The following ROR1 variants were observed in gnomAD, a reference collection of about 807,000 sequenced individuals.
The protein encoded by ROR1 is inactive tyrosine-protein kinase transmembrane receptor ROR1.
A neutral mutation model predicts 78.8 loss-of-function variants in ROR1; 19 were observed. That is an observed-to-expected ratio of 0.24 (90% CI 0.17 to 0.35). ROR1 has a LOEUF of 0.35. Ranked by LOEUF, ROR1 falls within the 10% of genes least tolerant of loss-of-function variation. ROR1 has a pLI of 1.00. For missense variants in ROR1, 917 were observed against 1,177.8 expected (o/e 0.78, Z 3.24); for synonymous variants, 386 against 433.6 (o/e 0.89, Z 1.36).
chr1:64,114,032 A>G (rs556469037), intron 4 of ROR1, among the ~76,000 whole-genome samples: 53 of 152,220 alleles, frequency 3.5e-4, no homozygotes, highest in African/African-American at 1.2e-3. Context: ...AACTCAGTCC[A>G]TTTTCTCCCT....
chr1:63,894,953 A>G (rs1329530620), intron 1 of ROR1, among the ~76,000 whole-genome samples: 2 of 152,174 alleles, frequency 1.3e-5, no homozygotes, highest in Admixed American at 6.6e-5. Flanking sequence ...CCTACAGCAC[A>G]TGTTTTCTCT....
intron 4 of ROR1, among the ~76,000 whole-genome samples, chr1:64,075,515 C>T (rs1324989599): frequency 6.6e-6 from 1 of 152,170 alleles, no homozygotes; most frequent in Non-Finnish European, 1.5e-5. Flanking sequence ...GCATCTGACA[C>T]ATAATACACC....
Position 63,914,914 on chromosome 1 carries a change from G to A in ROR1, c.92-94391G>A, listed in dbSNP as rs1029147323. Among the ~76,000 whole-genome samples the A allele has an allele frequency of 2.0e-5, 3 of 152,194 alleles. No homozygotes were observed. The South Asian group carries it at 6.2e-4, about 32-fold the overall frequency. ...CTCACAGCTTGGGAGAGCAGATGGG[G>A]TCTGGGAGAGCCTCCTGAGTTCACT... On this transcript the variant is annotated intron_variant, in intron 1 of 8. Transcript: ENST00000371079.
At chr1:63,898,869 C>T (rs1398031414) in intron 1 of ROR1, among the ~76,000 whole-genome samples, 2 of 152,098 alleles carry the variant, frequency 1.3e-5, no homozygotes, top group African/African-American at 4.8e-5. Context: ...GTCCTTCTGG[C>T]CTAATTTCTG....
At chr1:64,157,420 T>G (rs1419545731) in intron 7 of ROR1, among the ~76,000 whole-genome samples, 1 of 152,152 alleles carries the variant, frequency 6.6e-6, no homozygotes. Flanking sequence ...ATTACAGACA[T>G]GACCCACTGC....
At chr1:64,019,382 T>C (rs2100554712) in intron 2 of ROR1, among the ~76,000 whole-genome samples, 1 of 152,320 alleles carries the variant, frequency 6.6e-6, no homozygotes, top group Admixed American at 6.5e-5. Context: ...ATCTGGATTT[T>C]TTCCCCCATC....
At chr1:64,173,869 G>T (rs1011216175) in intron 8 of ROR1, among the ~76,000 whole-genome samples, 1 of 152,092 alleles carries the variant, frequency 6.6e-6, no homozygotes, top group Non-Finnish European at 1.5e-5. Flanking sequence ...TTCCACACGA[G>T]TTCTTGTTGC....
At chr1:64,133,906 C>T (rs959472329) in intron 4 of ROR1, among the ~76,000 whole-genome samples, 1 of 152,132 alleles carries the variant, frequency 6.6e-6, no homozygotes, top group Non-Finnish European at 1.5e-5. Context: ...CATTTGTTCC[C>T]CTCCAGCCAA....
chr1:64,000,478 G>A (rs1043231480), intron 1 of ROR1, among the ~76,000 whole-genome samples: 3 of 152,170 alleles, frequency 2.0e-5, no homozygotes, highest in Admixed American at 2.0e-4. Flanking sequence ...CCACTCATTT[G>A]AACTTCTCCT....
rs1294992857 is a variant in ROR1, at chr1:64,178,606, C to G, written c.2565C>G (p.Ser855=). 1.2e-6 allele frequency: 2 copies of G among 1,614,138 alleles called. No individual in the cohort carries two copies. The highest frequency in any genetic ancestry group is 1.6e-4 in the Middle Eastern group (1 of 6,062). Reference sequence around the variant, plus strand: ...ACTGCCCACCTCCCAAGAGTCGGTCCCCAAGCAGTGCCAGTGGGTCGACTA... The same window carrying G: ...ACTGCCCACCTCCCAAGAGTCGGTCGCCAAGCAGTGCCAGTGGGTCGACTA... The part of the protein sequence containing the change: ...IQHCPPPKSR[S]PSSASGSTST... The change falls in exon 9 of 9, where the codon TCC becomes TCG. Residue 855 remains serine (S), a synonymous_variant. Coordinates refer to ENST00000371079, the MANE Select transcript of ROR1 (RefSeq NM_005012.4). The surrounding 1 kb of genome is among the most constrained non-coding windows in gnomAD (Gnocchi z 4.3).
intron 1 of ROR1, among the ~76,000 whole-genome samples, chr1:63,855,405 G>A (rs144983278): frequency 4.8e-4 from 73 of 152,100 alleles, no homozygotes; most frequent in African/African-American, 8.0e-4. Flanking sequence ...TACTTAATTC[G>A]CTCCTCTCCT....
At chr1:64,067,473 T>C (rs1238960616) in intron 4 of ROR1, among the ~76,000 whole-genome samples, 1 of 124,770 alleles carries the variant, frequency 8.0e-6, no homozygotes, top group Non-Finnish European at 1.6e-5. Context: ...AAAAAAGCCA[T>C]ACTTGATCTG....
At chr1:64,130,390 G>A (rs1648870939) in intron 4 of ROR1, among the ~76,000 whole-genome samples, 1 of 152,120 alleles carries the variant, frequency 6.6e-6, no homozygotes. Flanking sequence ...GATAACTTCA[G>A]GATCACATAT....
intron 2 of ROR1, among the ~76,000 whole-genome samples, chr1:64,047,854 G>A (rs1186183614): frequency 2.6e-5 from 4 of 152,180 alleles, no homozygotes; most frequent in Admixed American, 1.3e-4. Context: ...ATCATTTATG[G>A]GCTCATGAAT....
chr1:63,788,695 TACAG>T lies in ROR1; in HGVS notation c.91+14191_91+14194del, dbSNP rs926727973. On this transcript the variant is annotated intron_variant, in intron 1 of 8. Coordinates refer to ENST00000371079, the MANE Select transcript of ROR1 (RefSeq NM_005012.4). ...CTATATAATCACAGAAGCCAGTATG[TACAG>T]ACAAAGTGGAAGTTTTTATTTCCTT... 5 of 351,446 alleles carry T rather than the reference TACAG, an allele frequency of 1.4e-5. 1 individual carries two copies. The highest frequency in any genetic ancestry group is 8.8e-5 in the South Asian group (3 of 34,266). 21.8% of individuals were successfully genotyped at this position (351,446 alleles called of 1,614,324 possible). A position where few individuals can be genotyped will look rare whatever the true frequency, so the allele number is the denominator to read the frequency against.
At chr1:63,900,066 G>A (rs1055774233) in intron 1 of ROR1, among the ~76,000 whole-genome samples, 5 of 152,090 alleles carry the variant, frequency 3.3e-5, no homozygotes, top group African/African-American at 1.2e-4. Context: ...TGTAAGACAA[G>A]TCTGTTTACT....
chr1:64,073,096 T>G (rs770882663), intron 4 of ROR1, among the ~76,000 whole-genome samples: 6 of 152,188 alleles, frequency 3.9e-5, no homozygotes, highest in Non-Finnish European at 5.9e-5. Flanking sequence ...GCATTGAAAT[T>G]CCAGGCTTCA....
chr1:63,885,198 T>C (rs1186306709), intron 1 of ROR1, among the ~76,000 whole-genome samples: 1 of 152,162 alleles, frequency 6.6e-6, no homozygotes, highest in African/African-American at 2.4e-5. Flanking sequence ...AGACAGATCC[T>C]TATGTTTCAA....
chr1:63,808,087 T>C (rs1240781594), intron 1 of ROR1, among the ~76,000 whole-genome samples: 1 of 152,190 alleles, frequency 6.6e-6, no homozygotes, highest in African/African-American at 2.4e-5. Flanking sequence ...CTTCCTCTTC[T>C]TCCTCCTCCT....
Sources: gnomAD v4.1 joint callset for allele counts (sites outside exome capture counted in the v4.1 genomes callset) on GRCh38, gnomAD v4.1.1 for gene constraint, Gnocchi (gnomAD v3.1) non-coding constraint, MANE v1.5 for transcripts, NCBI Gene and HGNC (gene_info 2026-07-23, HGNC 2026-07-21) for gene names.